KSR2: variants seen among roughly 807,000 people sequenced by gnomAD.
KSR2 encodes the protein kinase suppressor of ras 2.
A neutral mutation model predicts 107.8 loss-of-function variants in KSR2; 25 were observed. That is an observed-to-expected ratio of 0.23 (90% confidence interval 0.17 to 0.32). The LOEUF (loss-of-function observed/expected upper bound fraction) is 0.32. Among genes scored for constraint, KSR2 ranks in the 10% least tolerant of loss-of-function variants. KSR2 has a pLI of 1.00. For synonymous variants in KSR2, 480 were observed against 507.0 expected (o/e 0.95, Z 0.71); for missense variants, 887 against 1,268.9 (o/e 0.70, Z 4.57).
intron 4 of KSR2, among the ~76,000 whole-genome samples, chr12:117,725,084 T>TCTCTCA (rs1468780403): frequency 5.8e-5 from 7 of 121,590 alleles, no homozygotes; most frequent in African/African-American, 1.8e-4. Context: ...TCTCTCTCTC[T>TCTCTCA]CACACACACA....
intron 4 of KSR2, among the ~76,000 whole-genome samples, chr12:117,699,195 A>C (rs1886201438): frequency 1.3e-5 from 2 of 152,182 alleles, no homozygotes; most frequent in African/African-American, 2.4e-5. Flanking sequence ...CCTAGCTCCT[A>C]AGGTAGTGCA....
At chr12:117,674,252 G>A (rs748068308) in intron 4 of KSR2, 1 of 499,170 alleles carries the variant, frequency 2.0e-6, no homozygotes, top group Non-Finnish European at 4.0e-6. Context: ...TAGCCCCAAT[G>A]TTCTGGTCCA....
At chr12:117,471,096 A>G in intron 18 of KSR2, 95 bp downstream of exon 18, 4 of 1,484,206 alleles carry the variant, frequency 2.7e-6, no homozygotes, top group Non-Finnish European at 3.6e-6. Context: ...CCTATGGGAA[A>G]GCATTTGTAA....
intron 1 of KSR2, among the ~76,000 whole-genome samples, chr12:117,959,592 T>A (rs1341763837): frequency 6.6e-6 from 1 of 152,064 alleles, no homozygotes; most frequent in East Asian, 1.9e-4. Flanking sequence ...CAGAAGATCA[T>A]TTAAAAATAT....
chr12:117,767,849 G>A (rs1241797626), intron 3 of KSR2, among the ~76,000 whole-genome samples: 1 of 152,010 alleles, frequency 6.6e-6, no homozygotes. Flanking sequence ...GACTTCCCAG[G>A]GTTTTGCTCT....
At chr12:117,761,608 C>T (rs1035246592) in intron 3 of KSR2, 84 bp from the exon 4 acceptor site, 3 of 1,260,918 alleles carry the variant, frequency 2.4e-6, no homozygotes, top group Non-Finnish European at 3.4e-6. Context: ...TTACATCATA[C>T]ACACATTACA....
chr12:117,758,558 C>T (rs1888878929), intron 4 of KSR2, among the ~76,000 whole-genome samples: 1 of 152,170 alleles, frequency 6.6e-6, no homozygotes, highest in Admixed American at 6.5e-5. Context: ...CTTGCTAACT[C>T]AGCCAGAAGA....
chr12:117,811,568 A>G (rs910555822), intron 3 of KSR2, among the ~76,000 whole-genome samples: 2 of 152,202 alleles, frequency 1.3e-5, no homozygotes, highest in Non-Finnish European at 1.5e-5. Flanking sequence ...TCCCATTAAG[A>G]CAGGACTTAG....
chr12:117,468,156 G>A (rs1275693053), intron 19 of KSR2, among the ~76,000 whole-genome samples: 1 of 152,196 alleles, frequency 6.6e-6, no homozygotes, highest in African/African-American at 2.4e-5. Context: ...AATCCTGCCA[G>A]GCTGCCACAA....
chr12:117,916,163 G>C (rs1471786493), intron 1 of KSR2, among the ~76,000 whole-genome samples: 4 of 131,774 alleles, frequency 3.0e-5, no homozygotes, highest in African/African-American at 1.2e-4. Context: ...TTGAGATGGA[G>C]TCTCACTCTG....
intron 1 of KSR2, among the ~76,000 whole-genome samples, chr12:117,868,075 T>C (rs1297546101): frequency 6.6e-6 from 1 of 152,162 alleles, no homozygotes; most frequent in African/African-American, 2.4e-5. Context: ...AGACACTAGA[T>C]CCCTTAAAGG....
chr12:117,518,969 C>CGA (rs1424930565), intron 14 of KSR2, among the ~76,000 whole-genome samples: 1 of 152,176 alleles, frequency 6.6e-6, no homozygotes, highest in Non-Finnish European at 1.5e-5. Context: ...GCACTTATTA[C>CGA]GATGCTTTAA....
At chr12:117,917,344 C>G (rs1895207852) in intron 1 of KSR2, among the ~76,000 whole-genome samples, 1 of 152,038 alleles carries the variant, frequency 6.6e-6, no homozygotes, top group Non-Finnish European at 1.5e-5. Context: ...AGTTCGAGAC[C>G]AGCCTGGGCA....
intron 3 of KSR2, among the ~76,000 whole-genome samples, chr12:117,817,352 C>T (rs902268268): frequency 2.6e-5 from 4 of 152,106 alleles, no homozygotes; most frequent in African/African-American, 7.2e-5. Flanking sequence ...TGTTCTCTCT[C>T]TCTTTCTCTC....
chr12:117,547,473 C>T (rs1876955718), intron 9 of KSR2, among the ~76,000 whole-genome samples: 5 of 152,020 alleles, frequency 3.3e-5, no homozygotes, highest in Admixed American at 3.3e-4. Flanking sequence ...TGTTCCTTCC[C>T]ACCAGCAGGG....
At chr12:117,716,831 A>G (rs932858821) in intron 4 of KSR2, among the ~76,000 whole-genome samples, 2 of 152,246 alleles carry the variant, frequency 1.3e-5, no homozygotes, top group Non-Finnish European at 2.9e-5. Flanking sequence ...GATAATGGAT[A>G]TGAAAGTGCC....
chr12:117,693,365 A>G (rs75071213), intron 4 of KSR2, among the ~76,000 whole-genome samples: 4,555 of 152,296 alleles, frequency 0.03, 136 homozygotes, highest in Admixed American at 0.074. Context: ...ATGGGCCACA[A>G]ATGACTTCCC....
intron 1 of KSR2, among the ~76,000 whole-genome samples, chr12:117,923,140 T>C (rs867015720): frequency 6.6e-6 from 1 of 152,312 alleles, no homozygotes. Context: ...AATGTGTGTG[T>C]TAGATAAGCT....
Position 117,730,851 on chromosome 12 carries a change from C to T in KSR2, c.986+30160G>A, listed in dbSNP as rs575459250. The stretch of plus-strand genomic sequence containing the variant: ...CTGGAGTGCAGTGGCCTGATCTCGG[C>T]TCGCTACAACCTCCACCTCCCAGCT... On this transcript the variant is annotated intron_variant, in intron 4 of 19. Transcript: ENST00000339824. Among the ~76,000 whole-genome samples, 13 of 152,334 alleles carry T rather than the reference C, an allele frequency of 8.5e-5. No homozygotes were observed. In the South Asian group the frequency reaches 1.7e-3, roughly 19 times the overall value.
Sources: gnomAD v4.1 joint callset for allele counts (sites outside exome capture counted in the v4.1 genomes callset) on GRCh38, gnomAD v4.1.1 for gene constraint, MANE v1.5 for transcripts, NCBI Gene and HGNC (gene_info 2026-07-23, HGNC 2026-07-21) for gene names.